The following CDT1 variants were observed in gnomAD, a reference collection of about 807,000 sequenced individuals.
CDT1 encodes DNA replication factor Cdt1.
In CDT1, 66 loss-of-function variants were observed where a neutral mutation model predicts 49.3. That is an observed-to-expected ratio of 1.34 (90% CI 1.10 to 1.64). The LOEUF (loss-of-function observed/expected upper bound fraction) is 1.64, where lower values mean the gene tolerates loss of function less well. Among genes scored for constraint, CDT1 ranks in the 40% most tolerant of loss-of-function variants. The pLI is 0.00. For synonymous variants in CDT1, 424 were observed against 347.4 expected, an observed-to-expected ratio of 1.22 and a Z score of -2.45; for missense variants, 958 against 807.7, an observed-to-expected ratio of 1.19 and a Z score of -2.26.
intron 7 of CDT1, 63 bp downstream of exon 7, chr16:88,806,737 C>G: frequency 1.3e-6 from 2 of 1,535,924 alleles, no homozygotes; most frequent in Non-Finnish European, 1.8e-6. Context: ...TGACCCCAGG[C>G]TTAAGAGGTG....
At chr16:88,806,730 C>T (rs1908872200) in intron 7 of CDT1, 56 bp downstream of exon 7, 2 of 1,542,246 alleles carry the variant, frequency 1.3e-6, no homozygotes. Context: ...GCCAGCCTGA[C>T]CCCAGGCTTA....
At chr16:88,807,617 C>G (rs756969697) in intron 9 of CDT1, 135 bp downstream of exon 9, 2 of 913,200 alleles carry the variant, frequency 2.2e-6, no homozygotes, top group Middle Eastern at 3.3e-4. Context: ...TGGCCTCTTG[C>G]ACTGGTGTGT....
At chr16:88,806,825 C>T (rs1908874940) in intron 7 of CDT1, 151 bp downstream of exon 7, 8 of 1,222,488 alleles carry the variant, frequency 6.5e-6, no homozygotes, top group Middle Eastern at 2.7e-4. Flanking sequence ...TGGCATTTGC[C>T]CTCTGTCCCC....
At chr16:88,807,028 A>G (rs1908881938) in intron 7 of CDT1, 23 bp from the exon 8 acceptor site, 2 of 1,612,616 alleles carry the variant, frequency 1.2e-6, no homozygotes, top group African/African-American at 1.3e-5. Context: ...TGACCTCTCC[A>G]GTCCAACCTG....
Position 88,808,337 on chromosome 16 carries a change from A to G in CDT1, c.*59A>G. On this transcript the variant is annotated 3_prime_UTR_variant, in exon 10 of 10. Transcript: ENST00000301019. ...AGAAGCTCGCTGGCCTGGGCCCACCAGCATTTTCTTTTATGAACATGATAC... is the reference window on the plus strand; with the variant it reads ...AGAAGCTCGCTGGCCTGGGCCCACCGGCATTTTCTTTTATGAACATGATAC... 1 of 1,522,026 alleles carries G rather than the reference A, an allele frequency of 6.6e-7. No homozygotes were observed. Among genetic ancestry groups the G allele is most frequent in the African/African-American group, 1.4e-5 (1 of 72,550 alleles). The allele number at this position is 1,522,026 out of a possible 1,614,324, so 94.3% of individuals were successfully genotyped here.
At position 88,805,432 on chromosome 16, in the gene CDT1, CCT is replaced by C. The variant is rs941758661; in HGVS notation, c.489-7_489-6del. 1 of 1,612,450 alleles carries C rather than the reference CCT, an allele frequency of 6.2e-7. No individual in the cohort carries two copies. Among genetic ancestry groups the C allele is most frequent in the Non-Finnish European group, 8.5e-7 (1 of 1,179,830 alleles). ...CTGCTTCTCATGAGGCTCCTCCCTC[CCT>C]GACAGTGGCGAGAAGGCGCCCGCCT... is the stretch of plus-strand genomic sequence containing the variant. On this transcript the variant is annotated splice_region_variant and splice_polypyrimidine_tract_variant and intron_variant, in intron 3 of 9. Coordinates refer to ENST00000301019, the MANE Select transcript of CDT1 (RefSeq NM_030928.4).
In CDT1 at chr16:88,807,111, C is replaced by T. The variant is rs1908886240; in HGVS notation, c.1183C>T (p.Pro395Ser). 1 of 1,612,690 alleles carries T rather than the reference C, an allele frequency of 6.2e-7. No homozygotes were observed. The highest frequency in any genetic ancestry group is 1.3e-5 in the African/African-American group (1 of 74,940). Residue 395 changes from proline to serine, a missense_variant, in exon 8 of 10, where the codon CCC becomes TCC. Coordinates refer to ENST00000301019, the MANE Select transcript of CDT1 (RefSeq NM_030928.4). ...TGCTGCGCCCAGCAGCCCCGGGTCTCCCAGGCCAGCACTGCCGGCTACCCC... is the reference window on the plus strand; with the variant it reads ...TGCTGCGCCCAGCAGCCCCGGGTCTTCCAGGCCAGCACTGCCGGCTACCCC... The part of the protein sequence containing the change: ...RSAAPSSPGS[P>S]RPALPATPPA...
chr16:88,806,367 A>G (rs1908855652), intron 6 of CDT1, 119 bp from the exon 7 acceptor site: 1 of 1,251,430 alleles, frequency 8.0e-7, no homozygotes, highest in Admixed American at 2.0e-5. Context: ...AGCACTGGGC[A>G]GAGGCTGAGT....
At position 88,805,437 on chromosome 16, in the gene CDT1, C is replaced by T. The variant is rs769737209; in HGVS notation, c.489-3C>T. ...TCTCATGAGGCTCCTCCCTCCCTGA[C>T]AGTGGCGAGAAGGCGCCCGCCTACC... On this transcript the variant is annotated splice_polypyrimidine_tract_variant and splice_region_variant and intron_variant, in intron 3 of 9. Transcript: ENST00000301019. The T allele has an allele frequency of 6.2e-7, 1 of 1,612,516 alleles. No homozygotes were observed. Among genetic ancestry groups the T allele is most frequent in the Admixed American group, 1.7e-5 (1 of 60,018 alleles).
Position 88,808,189 on chromosome 16 carries a change from G to T in CDT1, c.1552G>T (p.Asp518Tyr). ...GCTCAGCCTCCACCGCATCCGCACCGACACCTACGTCAAGCTGGACAAGGC... is the reference window on the plus strand; with the variant it reads ...GCTCAGCCTCCACCGCATCCGCACCTACACCTACGTCAAGCTGGACAAGGC... Reference protein sequence around the residue: ...DWLSLHRIRTDTYVKLDKAAD... With the variant: ...DWLSLHRIRTYTYVKLDKAAD... Residue 518 changes from aspartate (D) to tyrosine (Y), a missense_variant, in exon 10 of 10, where the codon GAC (aspartate) becomes TAC (tyrosine). Transcript: ENST00000301019. 1 of 1,612,798 alleles carries T rather than the reference G, an allele frequency of 6.2e-7. No individual in the cohort carries two copies. The highest frequency in any genetic ancestry group is 8.5e-7 in the Non-Finnish European group (1 of 1,179,948).
chr16:88,806,271 A>T, intron 6 of CDT1, 150 bp downstream of exon 6: 1 of 993,542 alleles, frequency 1.0e-6, no homozygotes, highest in African/African-American at 1.6e-5. Context: ...TGGTGTGCTC[A>T]GGGTGCAGCC....
chr16:88,807,694 T>C (rs1158508948), intron 9 of CDT1, among the ~76,000 whole-genome samples: 11 of 152,158 alleles, frequency 7.2e-5, no homozygotes, highest in Admixed American at 7.2e-4. Context: ...ACCTGCAGCC[T>C]CTGGAGGCAG....
chr16:88,808,358 G>GAT lies in CDT1; in HGVS notation c.*82_*83dup. ...CACCAGCATTTTCTTTTATGAACAT[G>GAT]ATACACTTTGGCCTTCCTTTCCCCA... is the stretch of plus-strand genomic sequence containing the variant. On this transcript the variant is annotated 3_prime_UTR_variant, in exon 10 of 10. Transcript: ENST00000301019. 6.8e-7 allele frequency: 1 copy of GAT among 1,475,220 alleles called. No individual in the cohort carries two copies. The highest frequency in any genetic ancestry group is 9.1e-7 in the Non-Finnish European group (1 of 1,097,532). 91.4% of individuals were successfully genotyped at this position (1,475,220 alleles called of 1,614,324 possible). A position where few individuals can be genotyped will look rare whatever the true frequency, so the allele number is the denominator to read the frequency against.
intron 6 of CDT1, 47 bp from the exon 7 acceptor site, chr16:88,806,439 C>G: frequency 6.3e-7 from 1 of 1,595,792 alleles, no homozygotes; most frequent in Non-Finnish European, 8.5e-7. Flanking sequence ...GCAGTCTGCC[C>G]TTGTCTCAGA....
In CDT1 at chr16:88,807,399, T is replaced by G; in HGVS notation, c.1394T>G (p.Phe465Cys). 6.2e-7 allele frequency: 1 copy of G among 1,612,870 alleles called. No homozygotes were observed. ...PELARVLRSV[F>C]VSERKPALSM... ...CTGGCCCGCGTGCTGCGGAGCGTCT[T>G]TGTGTCCGAACGCAAGCCTGCGCTC... Residue 465 changes from phenylalanine (F) to cysteine (C), a missense_variant, in exon 9 of 10, where the codon TTT becomes TGT. Coordinates refer to ENST00000301019, the MANE Select transcript of CDT1 (RefSeq NM_030928.4).
chr16:88,807,175 AGG>A lies in CDT1; in HGVS notation c.1251_1252del (p.Ser419ProfsTer37), dbSNP rs759373678. The A allele has an allele frequency of 1.9e-6, 3 of 1,612,404 alleles. No homozygotes were observed. Among genetic ancestry groups the A allele is most frequent in the Non-Finnish European group, 2.5e-6 (3 of 1,179,790 alleles). Reference sequence around the variant, plus strand: ...CCTGCAGCCTCTCCCAGTGCTCTGAAGGGGGTGTCCCAGGATCTGCTGGAGCG... The same window carrying A: ...CCTGCAGCCTCTCCCAGTGCTCTGAAGGGTGTCCCAGGATCTGCTGGAGCG... On this transcript the variant is annotated frameshift_variant, in exon 8 of 10. Transcript: ENST00000301019. LOFTEE classifies it high-confidence loss of function.
At chr16:88,806,911 G>A (rs1050589476) in intron 7 of CDT1, 140 bp from the exon 8 acceptor site, 2 of 1,253,770 alleles carry the variant, frequency 1.6e-6, no homozygotes, top group African/African-American at 2.9e-5. Flanking sequence ...GCTGCACACT[G>A]GGACACTGCA....
In CDT1 at chr16:88,803,826, G is replaced by A. The variant is rs1186848899; in HGVS notation, c.-6G>A. 4 of 1,513,798 alleles carry A rather than the reference G, an allele frequency of 2.6e-6. No individual in the cohort carries two copies. The highest frequency in any genetic ancestry group is 2.9e-5 in the African/African-American group (2 of 69,158). The allele number at this position is 1,513,798 out of a possible 1,614,324, so 93.8% of individuals were successfully genotyped here. A position where few individuals can be genotyped will look rare whatever the true frequency, so the allele number is the denominator to read the frequency against. ...TTTCCTTGCTTTCGCCGCGCACTCC[G>A]CCGCCATGGAGCAGCGCCGCGTCAC... is the stretch of plus-strand genomic sequence containing the variant. On this transcript the variant is annotated 5_prime_UTR_variant, in exon 1 of 10. Transcript: ENST00000301019.
chr16:88,804,713 C>CGGCCTGCCTGCCTGCCTG (rs746475999), intron 2 of CDT1, 46 bp downstream of exon 2: 2 of 1,612,274 alleles, frequency 1.2e-6, no homozygotes, highest in Non-Finnish European at 1.7e-6. Context: ...TGAGTGGTGC[C>CGGCCTGCCTGCCTGCCTG]GGCCTGCCTG....
Sources: gnomAD v4.1 joint callset for allele counts (sites outside exome capture counted in the v4.1 genomes callset) on GRCh38, gnomAD v4.1.1 for gene constraint, MANE v1.5 for transcripts, NCBI Gene and HGNC (gene_info 2026-07-23, HGNC 2026-07-21) for gene names.